Variants in GRM7 observed in about 807,000 individuals in gnomAD.
GRM7 encodes metabotropic glutamate receptor 7.
Under a neutral mutation model 84.5 loss-of-function variants are expected in GRM7, and 35 were observed. That is an observed-to-expected ratio of 0.41 (90% confidence interval 0.32 to 0.55). The LOEUF (loss-of-function observed/expected upper bound fraction) is 0.55. GRM7 is among the 20% of genes least tolerant of loss of function. GRM7 has a pLI of 0.19. For synonymous variants in GRM7, 487 were observed against 455.1 expected, an observed-to-expected ratio of 1.07 and a Z score of -0.89; for missense variants, 1,003 against 1,194.6, an observed-to-expected ratio of 0.84 and a Z score of 2.36.
At chr3:7,539,431 C>G (rs577320752) in intron 7 of GRM7, among the ~76,000 whole-genome samples, 1 of 152,050 alleles carries the variant, frequency 6.6e-6, no homozygotes, top group South Asian at 2.1e-4. Flanking sequence ...AATCCCAGCA[C>G]TTTGGGAGGC....
At chr3:6,958,907 T>C (rs1181924565) in intron 1 of GRM7, among the ~76,000 whole-genome samples, 1 of 152,144 alleles carries the variant, frequency 6.6e-6, no homozygotes, top group Non-Finnish European at 1.5e-5. Flanking sequence ...AGTGAAAGCA[T>C]ATACCACAGC....
At chr3:7,490,058 C>T (rs73117711) in intron 7 of GRM7, among the ~76,000 whole-genome samples, 26 of 151,942 alleles carry the variant, frequency 1.7e-4, no homozygotes, top group African/African-American at 3.9e-4. Flanking sequence ...TAAAAATTCT[C>T]GAACACTTAT....
intron 4 of GRM7, among the ~76,000 whole-genome samples, chr3:7,320,681 A>AGTGTGTGT (rs56313913): frequency 0.15 from 21,263 of 140,894 alleles, 1,622 homozygotes; most frequent in East Asian, 0.21. Flanking sequence ...GTGGGTGATC[A>AGTGTGTGT]GTGTGTGTGT....
Position 7,680,210 on chromosome 3 carries a change from C to G in GRM7, c.2613C>G (p.Thr871=). The change falls in exon 9 of 10, where the codon ACC becomes ACG. Residue 871 remains threonine (T), a synonymous_variant. Coordinates refer to ENST00000357716, the MANE Select transcript of GRM7 (RefSeq NM_000844.4). The stretch of plus-strand genomic sequence containing the variant: ...TCAAGGCGGTAGTCACAGCAGCCAC[C>G]ATGTCATCGAGGCTGTCACACAAAC... ...RSFKAVVTAA[T]MSSRLSHKPS... is the part of the protein sequence containing the mutation. 1 of 1,613,916 alleles carries G rather than the reference C, an allele frequency of 6.2e-7. No homozygotes were observed. The highest frequency in any genetic ancestry group is 8.5e-7 in the Non-Finnish European group (1 of 1,179,786).
At position 7,578,968 on chromosome 3, in the gene GRM7, A is replaced by G; in HGVS notation, c.2062A>G (p.Lys688Glu). ...GATTTATCGCATATTTGAGCAGGGC[A>G]AGAAATCAGTAACAGCTCCCAGACT... ...NRIYRIFEQGKKSVTAPRLIS... is the reference protein window; with the variant it reads ...NRIYRIFEQGEKSVTAPRLIS... Residue 688 changes from lysine to glutamate, a missense_variant, in exon 8 of 10, where the codon AAG (lysine) becomes GAG (glutamate). Coordinates refer to ENST00000357716, the MANE Select transcript of GRM7 (RefSeq NM_000844.4). 6.2e-7 allele frequency: 1 copy of G among 1,614,178 alleles called. No individual in the cohort carries two copies. Among genetic ancestry groups the G allele is most frequent in the Non-Finnish European group, 8.5e-7 (1 of 1,180,016 alleles).
chr3:7,312,467 C>A (rs756626900), intron 4 of GRM7, among the ~76,000 whole-genome samples: 16 of 151,990 alleles, frequency 1.1e-4, no homozygotes, highest in Non-Finnish European at 1.8e-4. Flanking sequence ...GGAAAGTGTC[C>A]CTGGGGCTTG....
intron 4 of GRM7, among the ~76,000 whole-genome samples, chr3:7,352,607 A>G (rs1371693752): frequency 1.3e-5 from 2 of 152,092 alleles, no homozygotes; most frequent in Non-Finnish European, 2.9e-5. Context: ...AAGCGTTTCT[A>G]CTGTTAAAGA....
rs562819872 is a variant in GRM7 at position 6,972,500 on chromosome 3, C to T, written c.519+110593C>T. Among the ~76,000 whole-genome samples the T allele has an allele frequency of 9.9e-5, 15 of 152,272 alleles. 1 individual carries two copies. The highest frequency in any genetic ancestry group is 9.8e-4 in the Admixed American group (15 of 15,282). On this transcript the variant is annotated intron_variant, in intron 1 of 9. Coordinates refer to ENST00000357716, the MANE Select transcript of GRM7 (RefSeq NM_000844.4). ...GCTTTTACTTTCTTTTCATCCAGGG[C>T]CATCTCCAGCGTGCCTTGTGTATCG... is the stretch of plus-strand genomic sequence containing the variant.
At chr3:7,270,300 T>C (rs1481697527) in intron 2 of GRM7, among the ~76,000 whole-genome samples, 2 of 152,224 alleles carry the variant, frequency 1.3e-5, no homozygotes, top group East Asian at 1.9e-4. Flanking sequence ...TTTTGATAAC[T>C]GACTAGTGCT....
intron 1 of GRM7, among the ~76,000 whole-genome samples, chr3:7,073,335 T>C (rs1697951706): frequency 6.6e-6 from 1 of 152,076 alleles, no homozygotes; most frequent in Non-Finnish European, 1.5e-5. Flanking sequence ...GATTAGCTAA[T>C]GGCACTATAA....
At chr3:7,229,755 ATATATTT>A (rs1315925209) in intron 2 of GRM7, among the ~76,000 whole-genome samples, 1,133 of 28,200 alleles carry the variant, frequency 0.04, 17 homozygotes, top group Non-Finnish European at 0.055. Flanking sequence ...ATATATATAT[ATATATTT>A]TTTTTTTTTT....
At chr3:7,366,434 T>G (rs1465056303) in intron 4 of GRM7, among the ~76,000 whole-genome samples, 1 of 151,934 alleles carries the variant, frequency 6.6e-6, no homozygotes, top group Admixed American at 6.6e-5. Flanking sequence ...ACCATTTTGC[T>G]GCAAATAGAA....
At chr3:7,508,755 T>A (rs1700109728) in intron 7 of GRM7, among the ~76,000 whole-genome samples, 1 of 152,192 alleles carries the variant, frequency 6.6e-6, no homozygotes, top group Non-Finnish European at 1.5e-5. Flanking sequence ...CATAAAAACT[T>A]TGGGAAGGTA....
intron 1 of GRM7, among the ~76,000 whole-genome samples, chr3:7,022,385 A>ACACACACACACACACC (rs1307757415): frequency 8.6e-5 from 13 of 150,962 alleles, no homozygotes; most frequent in African/African-American, 3.2e-4. Flanking sequence ...ACACACACAC[A>ACACACACACACACACC]CCAGTGGTCA....
At chr3:7,501,847 G>C (rs1699893870) in intron 7 of GRM7, among the ~76,000 whole-genome samples, 1 of 152,214 alleles carries the variant, frequency 6.6e-6, no homozygotes, top group Non-Finnish European at 1.5e-5. Flanking sequence ...TTGGAACTGA[G>C]TGTCAGAAAA....
At chr3:7,487,682 G>A (rs1050541337) in intron 7 of GRM7, among the ~76,000 whole-genome samples, 3 of 152,240 alleles carry the variant, frequency 2.0e-5, no homozygotes, top group African/African-American at 4.8e-5. Context: ...TGCAAGAGAA[G>A]TGGAGGCATA....
intron 2 of GRM7, among the ~76,000 whole-genome samples, chr3:7,297,614 A>G (rs1333453547): frequency 6.6e-6 from 1 of 151,768 alleles, no homozygotes; most frequent in Non-Finnish European, 1.5e-5. Flanking sequence ...TGAAGGCTTA[A>G]TTTTGTATTT....
intron 5 of GRM7, among the ~76,000 whole-genome samples, chr3:7,435,878 A>AT (rs1190362502): frequency 1.4e-5 from 1 of 70,932 alleles, no homozygotes; most frequent in Non-Finnish European, 2.9e-5. Context: ...TTTTTTTTGT[A>AT]TTTTTAGTAA....
rs1408976501 is a variant in GRM7, at chr3:7,578,764, A to G, written c.1858A>G (p.Ile620Val). 6.2e-7 allele frequency: 1 copy of G among 1,613,790 alleles called. No individual in the cohort carries two copies. Among genetic ancestry groups the G allele is most frequent in the Non-Finnish European group, 8.5e-7 (1 of 1,179,912 alleles). The change falls in exon 8 of 10, where the codon ATT (isoleucine) becomes GTT (valine). Residue 620 changes from isoleucine (I) to valine (V), a missense_variant. Physicochemically the swap from Ile to Val is conservative, Grantham distance 29. Coordinates refer to ENST00000357716, the MANE Select transcript of GRM7 (RefSeq NM_000844.4). The part of the protein sequence containing the change: ...ATFIRYNDTP[I>V]VRASGRELSY... ...TTTCATCCGCTACAATGACACGCCC[A>G]TTGTCCGGGCATCTGGGCGGGAACT...
Sources: gnomAD v4.1 joint callset for allele counts (sites outside exome capture counted in the v4.1 genomes callset) on GRCh38, gnomAD v4.1.1 for gene constraint, MANE v1.5 for transcripts, NCBI Gene and HGNC (gene_info 2026-07-23, HGNC 2026-07-21) for gene names.